The following OXCT1 variants were observed in gnomAD, a reference collection of about 807,000 sequenced individuals.
OXCT1 encodes the protein succinyl-CoA:3-ketoacid coenzyme A transferase 1, mitochondrial.
A neutral mutation model predicts 69.6 loss-of-function variants in OXCT1; 27 were observed. That is an observed-to-expected ratio of 0.39 (90% CI 0.29 to 0.54). The LOEUF (loss-of-function observed/expected upper bound fraction) is 0.54. OXCT1 is among the 20% of genes least tolerant of loss of function. The pLI is 0.72. For missense variants in OXCT1, 437 were observed against 650.2 expected, an observed-to-expected ratio of 0.67 and a Z score of 3.57; for synonymous variants, 202 against 217.8, an observed-to-expected ratio of 0.93 and a Z score of 0.64.
At chr5:41,754,468 CCA>C (rs1743962799) in intron 14 of OXCT1, among the ~76,000 whole-genome samples, 2 of 152,034 alleles carry the variant, frequency 1.3e-5, no homozygotes, top group Non-Finnish European at 1.5e-5. Flanking sequence ...ACCCCATTCT[CCA>C]CAGTGTGATT....
intron 7 of OXCT1, among the ~76,000 whole-genome samples, chr5:41,822,899 G>A (rs941849762): frequency 3.9e-5 from 6 of 152,184 alleles, no homozygotes; most frequent in African/African-American, 1.4e-4. Context: ...AATCCACTGT[G>A]AGTCTTAATT....
intron 13 of OXCT1, among the ~76,000 whole-genome samples, chr5:41,791,658 TACCCAGG>T (rs1745923073): frequency 6.6e-6 from 1 of 152,218 alleles, no homozygotes; most frequent in African/African-American, 2.4e-5. Context: ...TTCTGCTTCA[TACCCAGG>T]ACCACTGAGC....
chr5:41,839,405 T>C (rs976498712), intron 7 of OXCT1, among the ~76,000 whole-genome samples: 22 of 152,320 alleles, frequency 1.4e-4, no homozygotes, highest in African/African-American at 4.1e-4. Flanking sequence ...ATGCTATAGT[T>C]GTGTGCCACG....
intron 13 of OXCT1, among the ~76,000 whole-genome samples, chr5:41,763,879 C>T (rs1561370973): frequency 6.6e-6 from 1 of 152,100 alleles, no homozygotes; most frequent in African/African-American, 2.4e-5. Context: ...CAGCCTCTAA[C>T]AAGAAGGAAG....
At position 41,762,075 on chromosome 5, in the gene OXCT1, C is replaced by G. The variant is rs750181465; in HGVS notation, c.1338+36G>C. 2.8e-6 allele frequency: 4 copies of G among 1,434,294 alleles called. No homozygotes were observed. Among genetic ancestry groups the G allele is most frequent in the East Asian group, 4.5e-5 (2 of 44,026 alleles). The allele number at this position is 1,434,294 out of a possible 1,614,324, so 88.8% of individuals were successfully genotyped here. ...CTGGGTTTTGATGTATTGCAAATTT[C>G]CAAAAGCAGTATTTGGGGAGCACAG... On this transcript the variant is annotated intron_variant, in intron 14 of 16. Transcript: ENST00000196371. This position sits in a 1 kb window ranked among gnomAD's most constrained non-coding sequence, Gnocchi z 4.0.
intron 13 of OXCT1, among the ~76,000 whole-genome samples, chr5:41,770,193 A>C (rs903678639): frequency 6.6e-6 from 1 of 152,264 alleles, no homozygotes; most frequent in Non-Finnish European, 1.5e-5. Flanking sequence ...TTTCTAAAAA[A>C]TACAGAATCA....
chr5:41,851,345 T>G (rs992799615), intron 4 of OXCT1, among the ~76,000 whole-genome samples: 2 of 152,178 alleles, frequency 1.3e-5, no homozygotes, highest in African/African-American at 4.8e-5. Context: ...GATAACTGAT[T>G]ATCTAGCCAA....
At chr5:41,782,933 T>C (rs968597829) in intron 13 of OXCT1, among the ~76,000 whole-genome samples, 22 of 152,376 alleles carry the variant, frequency 1.4e-4, no homozygotes, top group African/African-American at 4.1e-4. Flanking sequence ...TCAGGTTTTC[T>C]GCAATTAACA....
chr5:41,843,499 AT>A, intron 5 of OXCT1: 1 of 455,426 alleles, frequency 2.2e-6, no homozygotes. Context: ...AATGCTATTG[AT>A]TTTTATTTAT....
intron 14 of OXCT1, among the ~76,000 whole-genome samples, chr5:41,753,288 CAT>C (rs1554066122): frequency 4.3e-4 from 59 of 138,114 alleles, no homozygotes; most frequent in Admixed American, 2.9e-3. Context: ...CACACACACA[CAT>C]AGACACACAC....
chr5:41,849,187 T>C (rs1187788252), intron 5 of OXCT1, among the ~76,000 whole-genome samples: 4 of 152,164 alleles, frequency 2.6e-5, no homozygotes, highest in Admixed American at 6.5e-5. Context: ...TGACCTCCAA[T>C]CTTCCCTCTG....
At chr5:41,830,664 T>G (rs1243168486) in intron 7 of OXCT1, among the ~76,000 whole-genome samples, 1 of 152,196 alleles carries the variant, frequency 6.6e-6, no homozygotes, top group Non-Finnish European at 1.5e-5. Context: ...TGGGATCTAA[T>G]GAAGTTTTTC....
intron 12 of OXCT1, 32 bp from the exon 13 acceptor site, chr5:41,794,110 C>A: frequency 6.5e-7 from 1 of 1,531,340 alleles, no homozygotes; most frequent in Non-Finnish European, 9.1e-7. Flanking sequence ...TAAAGTGAAC[C>A]TCATAAGCTT....
intron 5 of OXCT1, among the ~76,000 whole-genome samples, chr5:41,846,854 G>A (rs962250325): frequency 5.3e-5 from 8 of 152,188 alleles, no homozygotes; most frequent in Admixed American, 2.0e-4. Context: ...TCTCATTGTG[G>A]TTTTGATTTG....
intron 13 of OXCT1, among the ~76,000 whole-genome samples, chr5:41,787,442 T>C (rs932158871): frequency 6.6e-6 from 1 of 151,990 alleles, no homozygotes; most frequent in African/African-American, 2.4e-5. Context: ...CTCAGCAATT[T>C]TGTTGGCTTC....
intron 7 of OXCT1, among the ~76,000 whole-genome samples, chr5:41,808,704 C>G (rs1376767052): frequency 6.6e-6 from 1 of 152,112 alleles, no homozygotes; most frequent in Non-Finnish European, 1.5e-5. Flanking sequence ...CCCCTTGCCA[C>G]TGCACTCTAT....
At position 41,845,769 on chromosome 5, in the gene OXCT1, C is replaced by T. The variant is rs188776848; in HGVS notation, c.565-2988G>A. Among the ~76,000 whole-genome samples, 12 of 152,148 alleles carry T rather than the reference C, an allele frequency of 7.9e-5. 1 individual carries two copies. In the South Asian group the frequency reaches 1.7e-3, roughly 21 times the overall value. On this transcript the variant is annotated intron_variant, in intron 5 of 16. Transcript: ENST00000196371. ...ATCAAAGTATTTATCCCAAGTTTTC[C>T]GGGAACTTTATGAGATACTACTACA...
chr5:41,751,766 T>G (rs762515589), intron 14 of OXCT1, among the ~76,000 whole-genome samples: 66 of 152,046 alleles, frequency 4.3e-4, no homozygotes, highest in Non-Finnish European at 2.2e-4. Flanking sequence ...CTGAGACACA[T>G]AAAACTAGTG....
chr5:41,794,221 T>C, intron 12 of OXCT1, 143 bp from the exon 13 acceptor site: 1 of 700,940 alleles, frequency 1.4e-6, no homozygotes, highest in Non-Finnish European at 2.6e-6. Flanking sequence ...ATAGATCAGC[T>C]CCATGCTGAC....
Sources: gnomAD v4.1 joint callset for allele counts (sites outside exome capture counted in the v4.1 genomes callset) on GRCh38, gnomAD v4.1.1 for gene constraint, Gnocchi (gnomAD v3.1) non-coding constraint, MANE v1.5 for transcripts, NCBI Gene and HGNC (gene_info 2026-07-23, HGNC 2026-07-21) for gene names.